Variants in FAF1 observed in about 807,000 individuals in gnomAD.
FAF1 encodes FAS-associated factor 1.
In FAF1, 25 loss-of-function variants were observed where a neutral mutation model predicts 92.5. The ratio of observed to expected loss-of-function variants is 0.27; its 90% CI spans 0.20 to 0.38. The LOEUF (loss-of-function observed/expected upper bound fraction) is 0.38. FAF1 is among the 10% of genes least tolerant of loss of function. FAF1 has a pLI of 1.00. For missense variants in FAF1, 636 were observed against 793.3 expected (o/e 0.80, Z 2.38); for synonymous variants, 234 against 273.2 (o/e 0.86, Z 1.42).
intron 4 of FAF1, among the ~76,000 whole-genome samples, chr1:50,764,812 T>C (rs553582532): frequency 6.6e-6 from 1 of 152,348 alleles, no homozygotes; most frequent in South Asian, 2.1e-4. Context: ...CAATGTTTTC[T>C]CAGATTTAGA....
intron 4 of FAF1, among the ~76,000 whole-genome samples, chr1:50,785,037 G>A (rs763672378): frequency 6.8e-5 from 10 of 147,466 alleles, no homozygotes; most frequent in Admixed American, 2.1e-4. Context: ...TCATGGTATT[G>A]TGTGAATTAA....
chr1:50,686,701 T>A lies in FAF1; in HGVS notation c.657+19085A>T, dbSNP rs1426418450. On this transcript the variant is annotated intron_variant, in intron 7 of 18. Transcript: ENST00000396153. ...TGCTTAATATCAAACTCAAGAAAAC[T>A]GTATCCAACATTACAAAGTCTATTT... Among the ~76,000 whole-genome samples, 3 of 152,140 alleles carry A rather than the reference T, an allele frequency of 2.0e-5. No homozygotes were observed. In the East Asian group the frequency reaches 5.8e-4, roughly 29 times the overall value.
chr1:50,721,779 A>C (rs1302779697), intron 6 of FAF1, among the ~76,000 whole-genome samples: 1 of 152,052 alleles, frequency 6.6e-6, no homozygotes, highest in Non-Finnish European at 1.5e-5. Flanking sequence ...ACGTGCCACT[A>C]TGCCTGGCTG....
intron 8 of FAF1, among the ~76,000 whole-genome samples, chr1:50,604,555 T>C (rs767348103): frequency 6.6e-6 from 1 of 152,316 alleles, no homozygotes; most frequent in South Asian, 2.1e-4. Flanking sequence ...TTACCCAGAC[T>C]GGAGTGCAGT....
At chr1:50,680,766 A>C (rs1392181948) in intron 7 of FAF1, among the ~76,000 whole-genome samples, 2 of 152,088 alleles carry the variant, frequency 1.3e-5, no homozygotes. Context: ...CGTCTAGTCA[A>C]AACACTCAAT....
At chr1:50,792,411 G>C (rs896843884) in intron 3 of FAF1, among the ~76,000 whole-genome samples, 4 of 152,150 alleles carry the variant, frequency 2.6e-5, no homozygotes, top group African/African-American at 9.7e-5. Context: ...ATGGAATGAG[G>C]ATACCTGGGT....
intron 7 of FAF1, among the ~76,000 whole-genome samples, chr1:50,675,239 ATAT>A (rs1656068496): frequency 6.6e-6 from 1 of 152,176 alleles, no homozygotes; most frequent in Non-Finnish European, 1.5e-5. Context: ...CTGTGTGCAT[ATAT>A]TAATGTTTCT....
chr1:50,593,361 C>T (rs1284748117), intron 9 of FAF1, among the ~76,000 whole-genome samples: 1 of 152,112 alleles, frequency 6.6e-6, no homozygotes, highest in African/African-American at 2.4e-5. Context: ...TGAAGTGAAA[C>T]AGTTACCTGT....
At chr1:50,472,327 C>T (rs1275563611) in intron 18 of FAF1, among the ~76,000 whole-genome samples, 2 of 149,024 alleles carry the variant, frequency 1.3e-5, no homozygotes, top group Non-Finnish European at 3.0e-5. Context: ...AAATACTATT[C>T]CTTCTCTTAG....
At chr1:50,859,320 AC>A (rs1644414203) in intron 1 of FAF1, among the ~76,000 whole-genome samples, 1 of 151,910 alleles carries the variant, frequency 6.6e-6, no homozygotes, top group Admixed American at 6.6e-5. Flanking sequence ...AAGAAGTCAA[AC>A]TATCTCACTT....
chr1:50,663,303 A>T (rs1454079225), intron 7 of FAF1, among the ~76,000 whole-genome samples: 3 of 151,652 alleles, frequency 2.0e-5, no homozygotes, highest in Non-Finnish European at 4.4e-5. Flanking sequence ...CCACAGACCT[A>T]GTGTATAGAA....
chr1:50,713,821 T>C (rs1473091854), intron 6 of FAF1, among the ~76,000 whole-genome samples: 4 of 146,412 alleles, frequency 2.7e-5, no homozygotes, highest in Non-Finnish European at 6.0e-5. Context: ...TCACCCAGGC[T>C]AGAATGCAGT....
intron 4 of FAF1, among the ~76,000 whole-genome samples, chr1:50,781,872 G>T (rs2124563261): frequency 6.6e-6 from 1 of 152,302 alleles, no homozygotes; most frequent in African/African-American, 2.4e-5. Context: ...CACAGATACA[G>T]TCATGCTCCT....
chr1:50,801,309 G>A (rs1050957538), intron 3 of FAF1, among the ~76,000 whole-genome samples: 1 of 152,182 alleles, frequency 6.6e-6, no homozygotes, highest in South Asian at 2.1e-4. Flanking sequence ...TCTGGGGTTA[G>A]TAAACCAATA....
At chr1:50,764,546 G>A (rs754495913) in intron 4 of FAF1, among the ~76,000 whole-genome samples, 1 of 152,026 alleles carries the variant, frequency 6.6e-6, no homozygotes, top group South Asian at 2.1e-4. Flanking sequence ...CCTTTTTCAT[G>A]GACTGTTGTA....
At chr1:50,586,254 G>C (rs1651227554) in intron 9 of FAF1, among the ~76,000 whole-genome samples, 1 of 152,142 alleles carries the variant, frequency 6.6e-6, no homozygotes, top group African/African-American at 2.4e-5. Flanking sequence ...GGTTGATACA[G>C]GGAGAGGTCA....
Position 50,491,752 on chromosome 1 carries a change from T to C in FAF1, c.1544A>G (p.Tyr515Cys). The change falls in exon 16 of 19, where the codon TAT (tyrosine) becomes TGT (cysteine). Residue 515 changes from tyrosine (Y) to cysteine (C), a missense_variant. By Grantham distance (194) the Tyr-to-Cys change is radical. Transcript: ENST00000396153. ...TCTGTCAGCCTCAAGTGAAAGGCGA[T>C]AGGCCTCATCTTGCTCTCTCTTCAC... Reference protein sequence around the residue: ...ENVKREQDEAYRLSLEADRAK... With the variant: ...ENVKREQDEACRLSLEADRAK... 1 of 1,613,098 alleles carries C rather than the reference T, an allele frequency of 6.2e-7. No homozygotes were observed. The highest frequency in any genetic ancestry group is 1.1e-5 in the South Asian group (1 of 90,740).
chr1:50,901,679 C>T (rs992652443), intron 1 of FAF1, among the ~76,000 whole-genome samples: 8 of 152,060 alleles, frequency 5.3e-5, no homozygotes, highest in Admixed American at 3.9e-4. Flanking sequence ...CCAGCCTAGG[C>T]AACATGGTAA....
intron 9 of FAF1, among the ~76,000 whole-genome samples, chr1:50,587,126 C>T (rs1572851854): frequency 6.6e-6 from 1 of 152,164 alleles, no homozygotes; most frequent in Non-Finnish European, 1.5e-5. Context: ...ATACTTACCC[C>T]TTTTACTTTA....
Sources: gnomAD v4.1 joint callset for allele counts (sites outside exome capture counted in the v4.1 genomes callset) on GRCh38, gnomAD v4.1.1 for gene constraint, MANE v1.5 for transcripts, NCBI Gene and HGNC (gene_info 2026-07-23, HGNC 2026-07-21) for gene names.